Variants in OPTN observed in about 807,000 individuals in gnomAD.
The protein encoded by OPTN is E3-14.7K-interacting protein.
OPTN carries 54 observed loss-of-function variants against 70.4 expected under a neutral mutation model. The ratio of observed to expected loss-of-function variants is 0.77; its 90% CI spans 0.62 to 0.96. The LOEUF (loss-of-function observed/expected upper bound fraction) is 0.96. Ranked by LOEUF, OPTN falls within the 40% of genes least tolerant of loss-of-function variation. The pLI, the probability that OPTN is intolerant of heterozygous loss-of-function variation, is 0.00. For missense variants in OPTN, 624 were observed against 673.2 expected (o/e 0.93, Z 0.81); for synonymous variants, 256 against 248.5 (o/e 1.03, Z -0.28).
In OPTN at chr10:13,123,895, T is replaced by C. The variant is rs1219081672; in HGVS notation, c.883-100T>C. 2.5e-5 allele frequency: 20 copies of C among 800,220 alleles called. No homozygotes were observed. In the East Asian group the frequency reaches 4.9e-4, roughly 20 times the overall value. 49.6% of individuals were successfully genotyped at this position (800,220 alleles called of 1,614,324 possible). On this transcript the variant is annotated intron_variant, in intron 8 of 14. Transcript: ENST00000378747. ...AGTTGGATTGATTCACCAGCCAGTC[T>C]TAATTGGCTACTAATGGTTCAGCCT...
intron 8 of OPTN, 80 bp from the exon 9 acceptor site, chr10:13,123,915 C>G: frequency 1.0e-6 from 1 of 984,960 alleles, no homozygotes; most frequent in Non-Finnish European, 1.6e-6. Flanking sequence ...ACTAATGGTT[C>G]AGCCTGTTTT....
At chr10:13,100,509 G>A (rs1832716794) in intron 1 of OPTN, among the ~76,000 whole-genome samples, 1 of 152,222 alleles carries the variant, frequency 6.6e-6, no homozygotes, top group Non-Finnish European at 1.5e-5. Context: ...TGACCTGGTG[G>A]GAGAGGGTGG....
intron 4 of OPTN, among the ~76,000 whole-genome samples, chr10:13,111,952 A>G (rs138651798): frequency 0.014 from 1,847 of 135,818 alleles, 33 homozygotes; most frequent in East Asian, 0.04. Flanking sequence ...GGTTCACGCC[A>G]TTGTCCTGCC....
At chr10:13,123,422 G>C in intron 8 of OPTN, among the ~76,000 whole-genome samples, 1 of 152,178 alleles carries the variant, frequency 6.6e-6, no homozygotes, top group East Asian at 1.9e-4. Flanking sequence ...AGACCTTACT[G>C]TTGAAAGAAG....
At chr10:13,121,836 T>C (rs1405500025) in intron 7 of OPTN, among the ~76,000 whole-genome samples, 1 of 152,190 alleles carries the variant, frequency 6.6e-6, no homozygotes, top group Admixed American at 6.5e-5. Context: ...TTAGTAGAGT[T>C]TGGGCTGGGA....
intron 2 of OPTN, 177 bp from the exon 3 acceptor site, chr10:13,108,935 G>T: frequency 1.5e-6 from 1 of 668,956 alleles, no homozygotes. Flanking sequence ...CTTTTCTGAA[G>T]CTACATATAC....
intron 8 of OPTN, chr10:13,122,969 C>A (rs1833383995): frequency 5.4e-6 from 1 of 186,512 alleles, no homozygotes; most frequent in African/African-American, 2.3e-5. Context: ...GCCACTGCGC[C>A]CAGCTGCAAG....
chr10:13,133,480 G>C, intron 13 of OPTN, 22 bp from the exon 14 acceptor site: 2 of 1,610,526 alleles, frequency 1.2e-6, no homozygotes, highest in Non-Finnish European at 1.7e-6. Context: ...ATCACACAGC[G>C]TGTTGCTTTT....
intron 13 of OPTN, among the ~76,000 whole-genome samples, chr10:13,133,150 G>A (rs1365814440): frequency 1.3e-5 from 2 of 152,178 alleles, no homozygotes; most frequent in Non-Finnish European, 2.9e-5. Context: ...TGTAGGTATT[G>A]TTCTGCAGCT....
At chr10:13,102,754 C>T (rs1400814083) in intron 1 of OPTN, among the ~76,000 whole-genome samples, 1 of 152,006 alleles carries the variant, frequency 6.6e-6, no homozygotes, top group Non-Finnish European at 1.5e-5. Flanking sequence ...ACCAGCCTGG[C>T]CAACGTGGCA....
intron 11 of OPTN, among the ~76,000 whole-genome samples, chr10:13,127,303 T>TA (rs1833487778): frequency 6.6e-6 from 1 of 152,188 alleles, no homozygotes; most frequent in African/African-American, 2.4e-5. Flanking sequence ...CTCTTGGACC[T>TA]AATAATTTTA....
chr10:13,138,120 A>T lies in OPTN; in HGVS notation c.*1254A>T. The T allele has an allele frequency of 5.1e-6, 1 of 196,776 alleles. No individual in the cohort carries two copies. The highest frequency in any genetic ancestry group is 6.1e-5 in the Admixed American group (1 of 16,508). 12.2% of individuals were successfully genotyped at this position (196,776 alleles called of 1,614,324 possible). A position where few individuals can be genotyped will look rare whatever the true frequency, so the allele number is the denominator to read the frequency against. ...TGAGCAGATCCCTTTACTGGAGCCCAGTATGTGCTGTGTGAGTTAGAAGTC... is the reference window on the plus strand; with the variant it reads ...TGAGCAGATCCCTTTACTGGAGCCCTGTATGTGCTGTGTGAGTTAGAAGTC... On this transcript the variant is annotated 3_prime_UTR_variant, in exon 15 of 15. Coordinates refer to ENST00000378747, the MANE Select transcript of OPTN (RefSeq NM_001008212.2).
At chr10:13,119,903 A>T (rs1484721966) in intron 7 of OPTN, among the ~76,000 whole-genome samples, 9 of 151,558 alleles carry the variant, frequency 5.9e-5, no homozygotes, top group Non-Finnish European at 1.2e-4. Context: ...TTGTCTTTTT[A>T]TGTTGAATTA....
At chr10:13,112,056 G>T (rs1387461630) in intron 4 of OPTN, among the ~76,000 whole-genome samples, 4 of 151,156 alleles carry the variant, frequency 2.6e-5, no homozygotes, top group Non-Finnish European at 4.4e-5. Flanking sequence ...CACTGTGTTA[G>T]CCAGGATGGT....
chr10:13,137,293 A>C lies in OPTN; in HGVS notation c.*427A>C, dbSNP rs1833720581. 3.1e-6 allele frequency: 1 copy of C among 321,382 alleles called. No individual in the cohort carries two copies. The highest frequency in any genetic ancestry group is 2.1e-5 in the African/African-American group (1 of 47,950). 19.9% of individuals were successfully genotyped at this position (321,382 alleles called of 1,614,324 possible). On this transcript the variant is annotated 3_prime_UTR_variant, in exon 15 of 15. Coordinates refer to ENST00000378747, the MANE Select transcript of OPTN (RefSeq NM_001008212.2). ...GACTCTGTCTCGAAAGAAAGAAAGAAAAAAAGGAAGGAAGGAGAAGGAAGG... is the reference window on the plus strand; with the variant it reads ...GACTCTGTCTCGAAAGAAAGAAAGACAAAAAGGAAGGAAGGAGAAGGAAGG...
intron 5 of OPTN, among the ~76,000 whole-genome samples, chr10:13,115,211 A>ATATATATATTTATAGATATATCTATATT (rs1554769089): frequency 0.43 from 12,215 of 28,170 alleles, 1,410 homozygotes; most frequent in Middle Eastern, 0.77. Context: ...ATCTATATTT[A>ATATATATATTTATAGATATATCTATATT]TATATATATT....
At position 13,118,999 on chromosome 10, in the gene OPTN, G is replaced by A. The variant is rs767018097; in HGVS notation, c.738G>A (p.Lys246=). ...TGTGCCTAAGGGAAGGGAATCAGAAGGTGGAGAGACTTGAAGTTGCACTCA... is the reference window on the plus strand; with the variant it reads ...TGTGCCTAAGGGAAGGGAATCAGAAAGTGGAGAGACTTGAAGTTGCACTCA... The part of the protein sequence containing the change: ...LLLCLREGNQ[K]VERLEVALKE... Residue 246 remains lysine (K), a synonymous_variant, in exon 7 of 15, where the codon AAG becomes AAA. Coordinates refer to ENST00000378747, the MANE Select transcript of OPTN (RefSeq NM_001008212.2). 1.2e-6 allele frequency: 2 copies of A among 1,614,080 alleles called. No individual in the cohort carries two copies. The highest frequency in any genetic ancestry group is 8.5e-7 in the Non-Finnish European group (1 of 1,180,006).
chr10:13,115,061 GTATA>G (rs1288171101), intron 5 of OPTN, among the ~76,000 whole-genome samples: 1 of 8,442 alleles, frequency 1.2e-4, no homozygotes, highest in African/African-American at 4.0e-4. Flanking sequence ...ATATCTATAT[GTATA>G]TATATTTATA....
intron 1 of OPTN, among the ~76,000 whole-genome samples, chr10:13,105,257 T>A (rs1394433626): frequency 2.0e-5 from 3 of 152,228 alleles, no homozygotes; most frequent in Non-Finnish European, 4.4e-5. Context: ...AGGACAGTTA[T>A]AGCTATTCAT....
Sources: allele counts gnomAD v4.1 joint callset (sites outside exome capture counted in the v4.1 genomes callset), GRCh38; gene constraint gnomAD v4.1.1; transcripts MANE v1.5; gene names NCBI Gene and HGNC (gene_info 2026-07-23, HGNC 2026-07-21).